Variants in ADAM23 observed in about 807,000 individuals in gnomAD.
ADAM23 encodes disintegrin and metalloproteinase domain-containing protein 23.
Under a neutral mutation model 120.1 loss-of-function variants are expected in ADAM23, and 33 were observed. That is an observed-to-expected ratio of 0.27 (90% CI 0.21 to 0.37). ADAM23 has a LOEUF of 0.37. Among genes scored for constraint, ADAM23 ranks in the 10% least tolerant of loss-of-function variants. The pLI, the probability that ADAM23 is intolerant of heterozygous loss-of-function variation, is 1.00. For missense variants in ADAM23, 862 were observed against 1,058.2 expected (o/e 0.81, Z 2.57); for synonymous variants, 367 against 375.2 (o/e 0.98, Z 0.25).
chr2:206,555,026 G>T (rs757731982), intron 9 of ADAM23, among the ~76,000 whole-genome samples: 1 of 151,976 alleles, frequency 6.6e-6, no homozygotes, highest in Non-Finnish European at 1.5e-5. Context: ...TGTGAGTGCC[G>T]CAGGGCTTGG....
intron 3 of ADAM23, among the ~76,000 whole-genome samples, chr2:206,514,031 T>C (rs1359028388): frequency 6.6e-6 from 1 of 152,326 alleles, no homozygotes; most frequent in South Asian, 2.1e-4. Context: ...ACAATGCACC[T>C]GGCCACCAAA....
chr2:206,580,476 A>G (rs570355558), intron 18 of ADAM23, among the ~76,000 whole-genome samples: 2 of 152,214 alleles, frequency 1.3e-5, no homozygotes, highest in East Asian at 1.9e-4. Context: ...TGAGATGATC[A>G]TGTGATTTTT....
Position 206,588,072 on chromosome 2 carries a change from T to A in ADAM23, c.1789-19T>A. 6.2e-7 allele frequency: 1 copy of A among 1,613,908 alleles called. No homozygotes were observed. The highest frequency in any genetic ancestry group is 8.5e-7 in the Non-Finnish European group (1 of 1,179,822). On this transcript the variant is annotated intron_variant, in intron 19 of 25. Coordinates refer to ENST00000264377, the MANE Select transcript of ADAM23 (RefSeq NM_003812.4). Reference sequence around the variant, plus strand: ...ACAAACTGACTCTGTGTGCCTCACATGTGTGCTCCTGTCCCCAGGGCCGCT... The same window carrying A: ...ACAAACTGACTCTGTGTGCCTCACAAGTGTGCTCCTGTCCCCAGGGCCGCT...
intron 4 of ADAM23, among the ~76,000 whole-genome samples, chr2:206,535,237 G>T (rs983669881): frequency 6.6e-6 from 1 of 152,164 alleles, no homozygotes; most frequent in Non-Finnish European, 1.5e-5. Context: ...CTCTCATTTA[G>T]TTTTAAACTT....
At chr2:206,534,890 C>G (rs544069034) in intron 4 of ADAM23, among the ~76,000 whole-genome samples, 1 of 152,096 alleles carries the variant, frequency 6.6e-6, no homozygotes, top group Non-Finnish European at 1.5e-5. Flanking sequence ...CTCATTCTTG[C>G]TCAGGGAAGG....
At chr2:206,563,762 C>G (rs1024217112) in intron 13 of ADAM23, among the ~76,000 whole-genome samples, 2 of 147,798 alleles carry the variant, frequency 1.4e-5, no homozygotes, top group Non-Finnish European at 3.0e-5. Context: ...ATGAGTCTCA[C>G]TCTGTCTCCC....
At chr2:206,477,819 A>G (rs1574487727) in intron 2 of ADAM23, among the ~76,000 whole-genome samples, 1 of 148,036 alleles carries the variant, frequency 6.8e-6, no homozygotes, top group South Asian at 2.1e-4. Flanking sequence ...AAGACTTTGT[A>G]CTCATCCCAG....
At chr2:206,581,141 T>G (rs1206730029) in intron 18 of ADAM23, among the ~76,000 whole-genome samples, 1 of 152,214 alleles carries the variant, frequency 6.6e-6, no homozygotes. Context: ...TCTATCAATT[T>G]TATTTATCTT....
intron 25 of ADAM23, among the ~76,000 whole-genome samples, chr2:206,614,658 A>G (rs1210352805): frequency 6.6e-6 from 1 of 152,214 alleles, no homozygotes; most frequent in Non-Finnish European, 1.5e-5. Context: ...GTCTCAAAAA[A>G]AAAAAGAGTT....
At chr2:206,540,065 C>T (rs1413816746) in intron 4 of ADAM23, among the ~76,000 whole-genome samples, 1 of 151,946 alleles carries the variant, frequency 6.6e-6, no homozygotes, top group Admixed American at 6.6e-5. Flanking sequence ...GCCTGTAATC[C>T]CAGCTACTCA....
intron 8 of ADAM23, 54 bp downstream of exon 8, chr2:206,548,408 G>A: frequency 1.3e-6 from 2 of 1,519,476 alleles, no homozygotes; most frequent in Non-Finnish European, 1.8e-6. Flanking sequence ...GAAGTCATGT[G>A]CCTATCACCC....
intron 3 of ADAM23, among the ~76,000 whole-genome samples, chr2:206,493,676 T>C (rs1426195108): frequency 1.3e-5 from 2 of 152,222 alleles, no homozygotes; most frequent in African/African-American, 2.4e-5. Context: ...CTAGCCTATA[T>C]TGGCTTTTTA....
chr2:206,457,364 C>T (rs1456458676), intron 2 of ADAM23, among the ~76,000 whole-genome samples: 1 of 152,202 alleles, frequency 6.6e-6, no homozygotes, highest in Non-Finnish European at 1.5e-5. Context: ...GAATTATTAG[C>T]GTGACCAAAA....
At chr2:206,568,527 C>T (rs1697934222) in intron 15 of ADAM23, among the ~76,000 whole-genome samples, 1 of 152,178 alleles carries the variant, frequency 6.6e-6, no homozygotes, top group Admixed American at 6.5e-5. Flanking sequence ...ATGGTAAATG[C>T]ATCGTACTTC....
intron 2 of ADAM23, among the ~76,000 whole-genome samples, chr2:206,459,635 C>T (rs1245302879): frequency 1.3e-5 from 2 of 152,148 alleles, no homozygotes; most frequent in Non-Finnish European, 2.9e-5. Flanking sequence ...ATACACAGAC[C>T]TACATATCCA....
chr2:206,601,942 A>G (rs1043424809), intron 24 of ADAM23, among the ~76,000 whole-genome samples: 13 of 152,188 alleles, frequency 8.5e-5, no homozygotes, highest in Non-Finnish European at 1.3e-4. Flanking sequence ...TTATATTATT[A>G]TCATTTAGTA....
At chr2:206,448,417 G>A (rs756894093) in intron 2 of ADAM23, among the ~76,000 whole-genome samples, 4 of 152,196 alleles carry the variant, frequency 2.6e-5, no homozygotes, top group Non-Finnish European at 4.4e-5. Context: ...ATTTTGCTTT[G>A]TGTGATATTG....
chr2:206,509,781 G>C (rs1444241563), intron 3 of ADAM23, among the ~76,000 whole-genome samples: 1 of 152,002 alleles, frequency 6.6e-6, no homozygotes, highest in Non-Finnish European at 1.5e-5. Context: ...TTTTGACATT[G>C]TAATGAACTT....
At chr2:206,539,870 C>T (rs913425642) in intron 4 of ADAM23, among the ~76,000 whole-genome samples, 17 of 152,060 alleles carry the variant, frequency 1.1e-4, no homozygotes, top group Non-Finnish European at 2.2e-4. Flanking sequence ...TCAGAAAATC[C>T]TCTAATACTG....
Sources: allele counts gnomAD v4.1 joint callset (sites outside exome capture counted in the v4.1 genomes callset), GRCh38; gene constraint gnomAD v4.1.1; transcripts MANE v1.5; gene names NCBI Gene and HGNC (gene_info 2026-07-23, HGNC 2026-07-21).